The following PHF21A variants were observed in gnomAD, a reference collection of about 807,000 sequenced individuals.
The protein encoded by PHF21A is PHD finger protein 21A, also known as BHC80a.
Under a neutral mutation model 82.5 loss-of-function variants are expected in PHF21A, and 11 were observed. The ratio of observed to expected loss-of-function variants is 0.13; its 90% CI spans 0.08 to 0.22. PHF21A has a LOEUF of 0.22. Among genes scored for constraint, PHF21A ranks in the 10% least tolerant of loss-of-function variants. The pLI, the probability that PHF21A is intolerant of heterozygous loss-of-function variation, is 1.00. For missense variants in PHF21A, 579 were observed against 837.8 expected (o/e 0.69, Z 3.81); for synonymous variants, 297 against 302.8 (o/e 0.98, Z 0.20).
chr11:46,050,029 C>G (rs1407327041), intron 6 of PHF21A, among the ~76,000 whole-genome samples: 1 of 152,222 alleles, frequency 6.6e-6, no homozygotes, highest in African/African-American at 2.4e-5. Context: ...TGCTGTAGGG[C>G]TCTGCTCTTA....
intron 6 of PHF21A, among the ~76,000 whole-genome samples, chr11:45,984,277 C>T (rs866937661): frequency 3.9e-5 from 6 of 152,156 alleles, no homozygotes; most frequent in African/African-American, 4.8e-5. Context: ...AATAAGCCAA[C>T]ATGCCAGGCC....
intron 6 of PHF21A, among the ~76,000 whole-genome samples, chr11:46,002,270 G>C (rs2095156717): frequency 6.6e-6 from 1 of 152,104 alleles, no homozygotes; most frequent in Admixed American, 6.5e-5. Flanking sequence ...GCTCCTTTGG[G>C]CAACTTTTTC....
intron 6 of PHF21A, among the ~76,000 whole-genome samples, chr11:46,055,244 AT>A (rs559276954): frequency 4.3e-4 from 66 of 152,136 alleles, no homozygotes; most frequent in African/African-American, 1.5e-3. Flanking sequence ...ATTTTTAGTA[AT>A]TTTTTTTATC....
At chr11:46,094,025 A>ATTAT (rs2096960071) in intron 1 of PHF21A, among the ~76,000 whole-genome samples, 2 of 152,216 alleles carry the variant, frequency 1.3e-5, no homozygotes, top group Admixed American at 6.5e-5. Context: ...TAAACCACAG[A>ATTAT]ATCGGAGGTG....
chr11:46,074,093 T>G (rs1414505927), intron 6 of PHF21A, among the ~76,000 whole-genome samples: 1 of 151,632 alleles, frequency 6.6e-6, no homozygotes, highest in Admixed American at 6.6e-5. Context: ...CAAGAAATAG[T>G]GACTATCTGC....
intron 15 of PHF21A, among the ~76,000 whole-genome samples, chr11:45,940,660 A>T (rs76477049): frequency 3.3e-5 from 5 of 151,954 alleles, no homozygotes; most frequent in East Asian, 3.9e-4. Context: ...TTCATTATTA[A>T]AATCAGGCTG....
rs377120635 is a variant in PHF21A, at chr11:46,112,707, T to C, written c.-237+8228A>G. ...ATCACAGAACTCTGAAATTAAATAC[T>C]GGCACAGAAAACCTTCCATCCAACC... On this transcript the variant is annotated intron_variant, in intron 1 of 18. Coordinates refer to ENST00000676320, the MANE Select transcript of PHF21A (RefSeq NM_001352027.3). Among the ~76,000 whole-genome samples, 42 of 152,254 alleles carry C rather than the reference T, an allele frequency of 2.8e-4. No individual in the cohort carries two copies. In the East Asian group the frequency reaches 6.4e-3, roughly 23 times the overall value.
intron 6 of PHF21A, among the ~76,000 whole-genome samples, chr11:46,073,423 C>G (rs1285169620): frequency 6.6e-6 from 1 of 151,768 alleles, no homozygotes; most frequent in Non-Finnish European, 1.5e-5. Flanking sequence ...GTGAACTATG[C>G]CTGAAACAGA....
At chr11:45,973,512 C>T (rs1167032984) in intron 7 of PHF21A, among the ~76,000 whole-genome samples, 1 of 152,198 alleles carries the variant, frequency 6.6e-6, no homozygotes, top group Admixed American at 6.5e-5. Context: ...TTCTCTTTGC[C>T]ATTGCCTCCT....
intron 6 of PHF21A, among the ~76,000 whole-genome samples, chr11:46,017,796 T>G (rs1435724440): frequency 6.6e-6 from 1 of 152,112 alleles, no homozygotes; most frequent in Non-Finnish European, 1.5e-5. Context: ...TAAACCAAGG[T>G]TCCACAGAAA....
intron 6 of PHF21A, among the ~76,000 whole-genome samples, chr11:46,048,334 T>G (rs956082574): frequency 6.6e-6 from 1 of 152,262 alleles, no homozygotes; most frequent in Non-Finnish European, 1.5e-5. Context: ...TATCATTCTA[T>G]ATGTAGTACT....
At chr11:46,081,575 A>C (rs2096792256) in intron 4 of PHF21A, among the ~76,000 whole-genome samples, 1 of 152,372 alleles carries the variant, frequency 6.6e-6, no homozygotes, top group African/African-American at 2.4e-5. Context: ...TAAGCAGTTA[A>C]ACTGCATTTC....
At chr11:46,018,711 A>AT (rs904485019) in intron 6 of PHF21A, among the ~76,000 whole-genome samples, 193 of 149,028 alleles carry the variant, frequency 1.3e-3, no homozygotes, top group South Asian at 4.4e-3. Context: ...TGGACAACAC[A>AT]TTTTTTTTTT....
chr11:46,083,826 A>G (rs982999005), intron 4 of PHF21A, among the ~76,000 whole-genome samples: 1 of 152,242 alleles, frequency 6.6e-6, no homozygotes, highest in Admixed American at 6.5e-5. Flanking sequence ...TGAGTTAGAC[A>G]TGTTGTTATT....
intron 6 of PHF21A, among the ~76,000 whole-genome samples, chr11:46,022,162 A>G (rs1014156969): frequency 6.6e-5 from 10 of 152,194 alleles, no homozygotes; most frequent in Admixed American, 2.0e-4. Flanking sequence ...TTTTTATTTA[A>G]GAGACAGGAG....
chr11:46,044,019 C>T (rs1177824812), intron 6 of PHF21A, among the ~76,000 whole-genome samples: 1 of 152,136 alleles, frequency 6.6e-6, no homozygotes, highest in African/African-American at 2.4e-5. Flanking sequence ...TGGTTAACAG[C>T]TGTAAATTTG....
At chr11:45,950,100 C>A in intron 12 of PHF21A, 106 bp downstream of exon 12, 1 of 903,388 alleles carries the variant, frequency 1.1e-6, no homozygotes, top group South Asian at 1.6e-5. Flanking sequence ...GAATCATACT[C>A]TATTTGTGTT....
chr11:46,021,644 C>T (rs1416538754), intron 6 of PHF21A, among the ~76,000 whole-genome samples: 3 of 152,084 alleles, frequency 2.0e-5, no homozygotes, highest in African/African-American at 4.8e-5. Context: ...TGGGCTCAAG[C>T]GATCCTCCTG....
intron 10 of PHF21A, among the ~76,000 whole-genome samples, chr11:45,955,908 G>A (rs895664004): frequency 1.3e-5 from 2 of 152,196 alleles, no homozygotes; most frequent in African/African-American, 4.8e-5. Flanking sequence ...TTATTAAGCT[G>A]TAGCACAGCC....
Sources: allele counts gnomAD v4.1 joint callset (sites outside exome capture counted in the v4.1 genomes callset), GRCh38; gene constraint gnomAD v4.1.1; transcripts MANE v1.5; gene names NCBI Gene and HGNC (gene_info 2026-07-23, HGNC 2026-07-21).